The following SSH2 variants were observed in gnomAD, a reference collection of about 807,000 sequenced individuals.
SSH2 encodes slingshot protein phosphatase 2.
Under a neutral mutation model 135.2 loss-of-function variants are expected in SSH2, and 37 were observed. The ratio of observed to expected loss-of-function variants is 0.27; its 90% CI spans 0.21 to 0.36. The LOEUF is 0.36. SSH2 is among the 10% of genes least tolerant of loss of function. SSH2 has a pLI of 1.00. For missense variants in SSH2, 1,408 were observed against 1,765.3 expected, an observed-to-expected ratio of 0.80 and a Z score of 3.63; for synonymous variants, 628 against 646.2, an observed-to-expected ratio of 0.97 and a Z score of 0.43.
intron 1 of SSH2, among the ~76,000 whole-genome samples, chr17:29,921,982 T>C (rs771624061): frequency 3.3e-5 from 5 of 152,154 alleles, no homozygotes; most frequent in African/African-American, 7.2e-5. Flanking sequence ...TGGGTAAGTA[T>C]AGGGTGCTAT....
intron 3 of SSH2, among the ~76,000 whole-genome samples, chr17:29,723,360 T>C (rs1050617316): frequency 1.3e-5 from 2 of 152,250 alleles, no homozygotes; most frequent in Admixed American, 6.5e-5. Flanking sequence ...TGAATACTCC[T>C]AGGCCTATAT....
chr17:29,889,845 TC>T (rs1269346591), intron 1 of SSH2, among the ~76,000 whole-genome samples: 5 of 123,316 alleles, frequency 4.1e-5, no homozygotes, highest in African/African-American at 1.6e-4. Context: ...AGGTATGAGA[TC>T]AGACACCAAG....
At chr17:29,769,640 T>C (rs921948746) in intron 3 of SSH2, among the ~76,000 whole-genome samples, 1 of 152,190 alleles carries the variant, frequency 6.6e-6, no homozygotes, top group Non-Finnish European at 1.5e-5. Flanking sequence ...TCTTATTTGA[T>C]GTTTAAAATA....
chr17:29,784,873 A>T (rs2041927325), intron 3 of SSH2, among the ~76,000 whole-genome samples: 1 of 152,134 alleles, frequency 6.6e-6, no homozygotes, highest in African/African-American at 2.4e-5. Context: ...AATCCCATTC[A>T]TTCATCATGA....
At chr17:29,858,255 A>T (rs892037252) in intron 1 of SSH2, among the ~76,000 whole-genome samples, 1 of 152,238 alleles carries the variant, frequency 6.6e-6, no homozygotes, top group Admixed American at 6.5e-5. Flanking sequence ...CTAATATGCT[A>T]TAACAAATTA....
At chr17:29,827,439 C>T (rs544667539) in intron 2 of SSH2, among the ~76,000 whole-genome samples, 1 of 152,280 alleles carries the variant, frequency 6.6e-6, no homozygotes, top group Non-Finnish European at 1.5e-5. Context: ...AGATTACTAA[C>T]TTCAGAAGGA....
chr17:29,753,021 T>C (rs1194127741), intron 3 of SSH2, among the ~76,000 whole-genome samples: 2 of 152,206 alleles, frequency 1.3e-5, no homozygotes, highest in African/African-American at 2.4e-5. Context: ...TCTTCTGTAA[T>C]TGAGGATAAT....
chr17:29,711,806 T>C (rs1352305191), intron 3 of SSH2, among the ~76,000 whole-genome samples: 1 of 152,196 alleles, frequency 6.6e-6, no homozygotes, highest in Non-Finnish European at 1.5e-5. Context: ...CTGCTTTAGA[T>C]ACATGGGGAG....
At position 29,663,721 on chromosome 17, in the gene SSH2, A is replaced by G. The variant is rs977204143; in HGVS notation, c.1032+3146T>C. 2.0e-5 allele frequency among the ~76,000 whole-genome samples: 3 copies of G among 152,248 alleles called. No homozygotes were observed. The South Asian group carries it at 6.2e-4, about 32-fold the overall frequency. ...ACAAGTACACAGATGTGTATTTAAAAAGTAAAAACTTCTATGTGATACTCT... is the reference window on the plus strand; with the variant it reads ...ACAAGTACACAGATGTGTATTTAAAGAGTAAAAACTTCTATGTGATACTCT... On this transcript the variant is annotated intron_variant, in intron 11 of 15. Coordinates refer to ENST00000540801, the MANE Select transcript of SSH2 (RefSeq NM_001282129.2).
intron 3 of SSH2, among the ~76,000 whole-genome samples, chr17:29,755,748 G>A (rs1392867474): frequency 2.7e-5 from 4 of 150,010 alleles, no homozygotes; most frequent in African/African-American, 9.8e-5. Context: ...TGCAAGCTCC[G>A]CCTCCTGGGT....
Position 29,691,400 on chromosome 17 carries a change from A to G in SSH2, c.357+4059T>C, listed in dbSNP as rs143649907. 7.2e-5 allele frequency among the ~76,000 whole-genome samples: 11 copies of G among 152,276 alleles called. No individual in the cohort carries two copies. In the East Asian group the frequency reaches 1.7e-3, roughly 24 times the overall value. ...AACCACTTTCTTTATTTTACTAGCT[A>G]CAGTTTTTCTAAGTACTACAGTTAA... On this transcript the variant is annotated intron_variant, in intron 5 of 15. Transcript: ENST00000540801.
intron 3 of SSH2, among the ~76,000 whole-genome samples, chr17:29,713,703 C>A: frequency 6.6e-6 from 1 of 152,186 alleles, no homozygotes; most frequent in East Asian, 1.9e-4. Flanking sequence ...TTATACCAAG[C>A]AGCCTTGCTA....
At chr17:29,671,895 A>G in intron 9 of SSH2, 40 bp downstream of exon 9, 1 of 1,547,334 alleles carries the variant, frequency 6.5e-7, no homozygotes, top group Non-Finnish European at 8.9e-7. Context: ...CTCAGGACAT[A>G]ATGGAGAGAA....
chr17:29,798,098 T>G (rs1288399308), intron 2 of SSH2, among the ~76,000 whole-genome samples: 1 of 152,186 alleles, frequency 6.6e-6, no homozygotes, highest in Non-Finnish European at 1.5e-5. Flanking sequence ...AATTGGCAAT[T>G]CTTTTCCCCT....
At chr17:29,818,267 G>A (rs1484373998) in intron 2 of SSH2, among the ~76,000 whole-genome samples, 1 of 142,090 alleles carries the variant, frequency 7.0e-6, no homozygotes, top group East Asian at 2.1e-4. Context: ...TTTTTTTTAA[G>A]AGATGGATTC....
At chr17:29,776,423 TTTCCAA>T (rs1324193831) in intron 3 of SSH2, 3 of 152,142 alleles carry the variant, frequency 2.0e-5, no homozygotes, top group Non-Finnish European at 4.4e-5. Flanking sequence ...GCAAAGAAGG[TTTCCAA>T]GTAAAGCCAC....
In SSH2 at chr17:29,705,076, C is replaced by T. The variant is rs575259327; in HGVS notation, c.189-2014G>A. Reference sequence around the variant, plus strand: ...TCAATCTCTGGCCTCGTTCTCCAGCCTCATTCTCCCAGTTGTTTAGGCAAA... The same window carrying T: ...TCAATCTCTGGCCTCGTTCTCCAGCTTCATTCTCCCAGTTGTTTAGGCAAA... On this transcript the variant is annotated intron_variant, in intron 3 of 15. Transcript: ENST00000540801. 5.3e-5 allele frequency among the ~76,000 whole-genome samples: 8 copies of T among 152,276 alleles called. No individual in the cohort carries two copies. The South Asian group carries it at 8.3e-4, about 16-fold the overall frequency.
intron 2 of SSH2, among the ~76,000 whole-genome samples, chr17:29,846,908 A>C (rs1599082927): frequency 6.6e-6 from 1 of 152,372 alleles, no homozygotes; most frequent in South Asian, 2.1e-4. Flanking sequence ...TTTTGGTGAC[A>C]GCTACCTGTT....
At chr17:29,773,235 A>G (rs1227266242) in intron 3 of SSH2, among the ~76,000 whole-genome samples, 2 of 152,160 alleles carry the variant, frequency 1.3e-5, no homozygotes, top group Non-Finnish European at 2.9e-5. Context: ...CTACCTAACT[A>G]AACAGGAAGA....
Sources: gnomAD v4.1 joint callset for allele counts (sites outside exome capture counted in the v4.1 genomes callset) on GRCh38, gnomAD v4.1.1 for gene constraint, MANE v1.5 for transcripts, NCBI Gene and HGNC (gene_info 2026-07-23, HGNC 2026-07-21) for gene names.